Variants in KIRREL3 observed in about 807,000 individuals in gnomAD.
KIRREL3 encodes kin of IRRE-like protein 3.
In KIRREL3, 36 loss-of-function variants were observed where a neutral mutation model predicts 89.7. The ratio of observed to expected loss-of-function variants is 0.40; its 90% confidence interval spans 0.31 to 0.53. The LOEUF (loss-of-function observed/expected upper bound fraction) is 0.53, where lower values mean the gene tolerates loss of function less well. Ranked by LOEUF, KIRREL3 falls within the 20% of genes least tolerant of loss-of-function variation. KIRREL3 has a pLI of 0.49. For synonymous variants in KIRREL3, 445 were observed against 441.4 expected, an observed-to-expected ratio of 1.01 and a Z score of -0.10; for missense variants, 864 against 1,056.6, an observed-to-expected ratio of 0.82 and a Z score of 2.53.
intron 1 of KIRREL3, among the ~76,000 whole-genome samples, chr11:126,617,077 G>T (rs2134822847): frequency 6.6e-6 from 1 of 152,356 alleles, no homozygotes; most frequent in East Asian, 1.9e-4. Context: ...GAGGTTGGGG[G>T]CTTAGGAGTT....
chr11:126,493,780 G>A (rs534107652), intron 4 of KIRREL3, among the ~76,000 whole-genome samples: 7 of 149,928 alleles, frequency 4.7e-5, no homozygotes, highest in African/African-American at 1.2e-4. Flanking sequence ...AGCTGGCCCC[G>A]CCTGGGCAAA....
In KIRREL3 at chr11:126,656,209, C is replaced by T. The variant is rs974234972; in HGVS notation, c.56-93297G>A. 37 of 455,170 alleles carry T rather than the reference C, an allele frequency of 8.1e-5. No individual in the cohort carries two copies. Among genetic ancestry groups the T allele is most frequent in the Admixed American group, 3.3e-4 (14 of 42,502 alleles). 28.2% of individuals were successfully genotyped at this position (455,170 alleles called of 1,614,324 possible). ...AGGGAGGGCTACAGAGTTAGGACTC[C>T]GAAGTCAGAAAGATGCCTGTTGGTT... On this transcript the variant is annotated intron_variant, in intron 1 of 16. Transcript: ENST00000525144. This position sits in a 1 kb window ranked among gnomAD's most constrained non-coding sequence, Gnocchi z 4.0.
chr11:126,829,443 G>T (rs1259763142), intron 1 of KIRREL3, among the ~76,000 whole-genome samples: 1 of 152,160 alleles, frequency 6.6e-6, no homozygotes, highest in Non-Finnish European at 1.5e-5. Context: ...TCACCCACTA[G>T]ATTCCATAGG....
chr11:126,600,220 A>G (rs1942592754), intron 1 of KIRREL3, among the ~76,000 whole-genome samples: 1 of 152,126 alleles, frequency 6.6e-6, no homozygotes, highest in Non-Finnish European at 1.5e-5. Context: ...GCCTACAAGG[A>G]ATTGAATCCA....
At position 126,969,154 on chromosome 11, in the gene KIRREL3, C is replaced by A. The variant is rs1384662369; in HGVS notation, c.55+31301G>T. Among the ~76,000 whole-genome samples the A allele has an allele frequency of 2.0e-5, 3 of 152,114 alleles. No homozygotes were observed. Among genetic ancestry groups the A allele is most frequent in the Non-Finnish European group, 2.9e-5 (2 of 68,034 alleles). ...GGAGGGCGCTCAGGGGCCAATCAAACGACTTCTAAACCGCGAAAACAGGCC... is the reference window on the plus strand; with the variant it reads ...GGAGGGCGCTCAGGGGCCAATCAAAAGACTTCTAAACCGCGAAAACAGGCC... On this transcript the variant is annotated intron_variant, in intron 1 of 16. Transcript: ENST00000525144. The surrounding 1 kb of genome is among the most constrained non-coding windows in gnomAD (Gnocchi z 4.9).
In KIRREL3 at chr11:126,805,657, T is replaced by A. The variant is rs568391378; in HGVS notation, c.55+194798A>T. Among the ~76,000 whole-genome samples, 1 of 152,170 alleles carries A rather than the reference T, an allele frequency of 6.6e-6. No individual in the cohort carries two copies. The highest frequency in any genetic ancestry group is 2.4e-5 in the African/African-American group (1 of 41,436). On this transcript the variant is annotated intron_variant, in intron 1 of 16. Coordinates refer to ENST00000525144, the MANE Select transcript of KIRREL3 (RefSeq NM_032531.4). The surrounding 1 kb of genome is among the most constrained non-coding windows in gnomAD (Gnocchi z 4.3). ...TCAGGGTGATTGCTAAACTCCACAG[T>A]ACAAAGTATGTAATAGATATTACGT... is the stretch of plus-strand genomic sequence containing the variant.
chr11:126,632,002 T>C (rs1157181719), intron 1 of KIRREL3, among the ~76,000 whole-genome samples: 1 of 152,004 alleles, frequency 6.6e-6, no homozygotes, highest in African/African-American at 2.4e-5. Flanking sequence ...CCAGGCCACC[T>C]AGACTACATA....
intron 1 of KIRREL3, among the ~76,000 whole-genome samples, chr11:126,907,020 C>T (rs959389466): frequency 6.6e-6 from 1 of 152,194 alleles, no homozygotes; most frequent in African/African-American, 2.4e-5. Flanking sequence ...AAGGACACTG[C>T]TCTCATGCAT....
In KIRREL3 at chr11:126,994,862, A is replaced by G. The variant is rs1043817807; in HGVS notation, c.55+5593T>C. 2.0e-5 allele frequency among the ~76,000 whole-genome samples: 3 copies of G among 152,206 alleles called. No individual in the cohort carries two copies. The highest frequency in any genetic ancestry group is 7.2e-5 in the African/African-American group (3 of 41,460). ...AAAGCTTTGGCAGATGGCAGGACAT[A>G]GCATCCCTTCCCCAACCATGAGAGA... On this transcript the variant is annotated intron_variant, in intron 1 of 16. Coordinates refer to ENST00000525144, the MANE Select transcript of KIRREL3 (RefSeq NM_032531.4). The surrounding 1 kb of genome is among the most constrained non-coding windows in gnomAD (Gnocchi z 5.2).
At position 126,748,444 on chromosome 11, in the gene KIRREL3, C is replaced by A. The variant is rs144655026; in HGVS notation, c.56-185532G>T. ...CCAAAAGGTTATTTCATCAATAATTCTTGAGCTTGCCTACGGCGAGAATTA... is the reference window on the plus strand; with the variant it reads ...CCAAAAGGTTATTTCATCAATAATTATTGAGCTTGCCTACGGCGAGAATTA... On this transcript the variant is annotated intron_variant, in intron 1 of 16. Coordinates refer to ENST00000525144, the MANE Select transcript of KIRREL3 (RefSeq NM_032531.4). The surrounding 1 kb of genome is among the most constrained non-coding windows in gnomAD (Gnocchi z 4.6). Among the ~76,000 whole-genome samples, 93 of 152,328 alleles carry A rather than the reference C, an allele frequency of 6.1e-4. No homozygotes were observed. The highest frequency in any genetic ancestry group is 2.2e-3 in the African/African-American group (90 of 41,574).
chr11:126,436,097 CTT>C (rs2134163378), intron 12 of KIRREL3, among the ~76,000 whole-genome samples: 1 of 152,342 alleles, frequency 6.6e-6, no homozygotes, highest in South Asian at 2.1e-4. Context: ...ATCTGAGCCT[CTT>C]TGACCAGGAG....
intron 1 of KIRREL3, among the ~76,000 whole-genome samples, chr11:126,923,059 A>C: frequency 6.6e-6 from 1 of 151,408 alleles, no homozygotes; most frequent in Non-Finnish European, 1.5e-5. Flanking sequence ...CCTTCTCTGG[A>C]TGTTTCTGCT....
At position 126,989,925 on chromosome 11, in the gene KIRREL3, A is replaced by G. The variant is rs548464862; in HGVS notation, c.55+10530T>C. On this transcript the variant is annotated intron_variant, in intron 1 of 16. Coordinates refer to ENST00000525144, the MANE Select transcript of KIRREL3 (RefSeq NM_032531.4). The surrounding 1 kb of genome is among the most constrained non-coding windows in gnomAD (Gnocchi z 6.2). ...GGTGAAAACAGAGTAGCACCTCCAC[A>G]GCCTGCCCAGGAGATCAGGAATAAT... 6.6e-6 allele frequency among the ~76,000 whole-genome samples: 1 copy of G among 152,358 alleles called. No individual in the cohort carries two copies. Among genetic ancestry groups the G allele is most frequent in the Admixed American group, 6.5e-5 (1 of 15,304 alleles).
intron 1 of KIRREL3, among the ~76,000 whole-genome samples, chr11:126,567,096 G>T (rs1393909719): frequency 6.6e-6 from 1 of 152,186 alleles, no homozygotes; most frequent in Non-Finnish European, 1.5e-5. Context: ...CAGTGCTATA[G>T]GTCGAATTCC....
chr11:126,541,433 A>G lies in KIRREL3; in HGVS notation c.134-14746T>C, dbSNP rs1409648270. ...TGGTCCTAAGGTTGAAAATAATAAA[A>G]TCAAGGTGCAAAGAAGTGAAAGCAA... On this transcript the variant is annotated intron_variant, in intron 2 of 16. Transcript: ENST00000525144. This position sits in a 1 kb window ranked among gnomAD's most constrained non-coding sequence, Gnocchi z 4.8. Among the ~76,000 whole-genome samples, 1 of 152,182 alleles carries G rather than the reference A, an allele frequency of 6.6e-6. No individual in the cohort carries two copies. The highest frequency in any genetic ancestry group is 1.5e-5 in the Non-Finnish European group (1 of 68,032).
In KIRREL3 at chr11:126,430,928, C is replaced by T; in HGVS notation, c.1696+491G>A. On this transcript the variant is annotated intron_variant, in intron 14 of 16. Coordinates refer to ENST00000525144, the MANE Select transcript of KIRREL3 (RefSeq NM_032531.4). This position sits in a 1 kb window ranked among gnomAD's most constrained non-coding sequence, Gnocchi z 6.6. ...AACACTAGAATTTTATTGGTAATCA[C>T]TGAAGACCTTTAAAAGTTTTCTCAA... is the stretch of plus-strand genomic sequence containing the variant. The T allele has an allele frequency of 1.0e-6, 1 of 1,001,580 alleles. No homozygotes were observed. The highest frequency in any genetic ancestry group is 1.2e-6 in the Non-Finnish European group (1 of 835,498). 62.0% of individuals were successfully genotyped at this position (1,001,580 alleles called of 1,614,324 possible).
intron 5 of KIRREL3, among the ~76,000 whole-genome samples, chr11:126,464,684 C>G (rs769435156): frequency 8.5e-5 from 13 of 152,140 alleles, no homozygotes; most frequent in Admixed American, 2.6e-4. Context: ...TGGAGGGATG[C>G]TGCCACAAGC....
Position 126,747,559 on chromosome 11 carries a change from T to C in KIRREL3, c.56-184647A>G, listed in dbSNP as rs1233565876. ...GTTCCCTCTCTGCAAAGCAGTGCTC[T>C]CTGTGGTCGTGGCTGTGCTCACAGA... On this transcript the variant is annotated intron_variant, in intron 1 of 16. Transcript: ENST00000525144. This position sits in a 1 kb window ranked among gnomAD's most constrained non-coding sequence, Gnocchi z 4.7. Among the ~76,000 whole-genome samples, 1 of 152,158 alleles carries C rather than the reference T, an allele frequency of 6.6e-6. No homozygotes were observed. The highest frequency in any genetic ancestry group is 2.4e-5 in the African/African-American group (1 of 41,438).
In KIRREL3 at chr11:126,909,148, C is replaced by G. The variant is rs1053072503; in HGVS notation, c.55+91307G>C. Among the ~76,000 whole-genome samples the G allele has an allele frequency of 1.3e-5, 2 of 152,226 alleles. No individual in the cohort carries two copies. Among genetic ancestry groups the G allele is most frequent in the Non-Finnish European group, 2.9e-5 (2 of 68,018 alleles). ...CTGTAATTGCAATCTGAATGACCAC[C>G]ATGAAGACATAGGTCACCATGAACA... On this transcript the variant is annotated intron_variant, in intron 1 of 16. Transcript: ENST00000525144. The surrounding 1 kb of genome is among the most constrained non-coding windows in gnomAD (Gnocchi z 4.5).
Sources: gnomAD v4.1 joint callset for allele counts (sites outside exome capture counted in the v4.1 genomes callset) on GRCh38, gnomAD v4.1.1 for gene constraint, Gnocchi (gnomAD v3.1) non-coding constraint, MANE v1.5 for transcripts, NCBI Gene and HGNC (gene_info 2026-07-23, HGNC 2026-07-21) for gene names.